The following PCDHGB2 variants were observed in gnomAD, a reference collection of about 807,000 sequenced individuals.
PCDHGB2 encodes the protein protocadherin gamma-B2.
Under a neutral mutation model 59.3 loss-of-function variants are expected in PCDHGB2, and 55 were observed. That is an observed-to-expected ratio of 0.93 (90% CI 0.75 to 1.16). The LOEUF (loss-of-function observed/expected upper bound fraction) is 1.16. Ranked by LOEUF, PCDHGB2 falls within the 50% of genes most tolerant of loss-of-function variation. PCDHGB2 has a pLI of 0.00. For missense variants in PCDHGB2, 1,228 were observed against 1,198.5 expected (o/e 1.02, Z -0.36); for synonymous variants, 516 against 512.0 (o/e 1.01, Z -0.11).
chr5:141,477,361 G>A lies in PCDHGB2; in HGVS notation c.2422-17446G>A. The A allele has an allele frequency of 6.2e-7, 1 of 1,614,172 alleles. No individual in the cohort carries two copies. The highest frequency in any genetic ancestry group is 8.5e-7 in the Non-Finnish European group (1 of 1,180,032). Reference sequence around the variant, plus strand: ...TCACTTTGAAAACCAGTGCAGACCTGGATCGGGAGACTGTGCCAGAATACA... The same window carrying A: ...TCACTTTGAAAACCAGTGCAGACCTAGATCGGGAGACTGTGCCAGAATACA... On this transcript the variant is annotated intron_variant, in intron 1 of 3. Coordinates refer to ENST00000522605, the MANE Select transcript of PCDHGB2 (RefSeq NM_018923.3). The surrounding 1 kb of genome is among the most constrained non-coding windows in gnomAD (Gnocchi z 4.9).
rs191188858 is a variant in PCDHGB2, at chr5:141,472,077, A to G, written c.2422-22730A>G. On this transcript the variant is annotated intron_variant, in intron 1 of 3. Transcript: ENST00000522605. ...GATTGACATGTCTGTGGTTATATCA[A>G]TGAGTACTATTATTATTCCCATTTT... 2.4e-3 allele frequency among the ~76,000 whole-genome samples: 365 copies of G among 152,346 alleles called. 2 individuals carry two copies. Among genetic ancestry groups the G allele is most frequent in the African/African-American group, 8.4e-3 (351 of 41,580 alleles).
rs1055242827 is a variant in PCDHGB2 at position 141,371,130 on chromosome 5, A to C, written c.2421+8574A>C. 6.8e-6 allele frequency: 11 copies of C among 1,613,896 alleles called. No homozygotes were observed. The South Asian group carries it at 1.2e-4, about 18-fold the overall frequency. Reference sequence around the variant, plus strand: ...TAACCCCCCAGTATTTACTCAGGACATGTACAGGGTCAATGTTGCAGAGAA... The same window carrying C: ...TAACCCCCCAGTATTTACTCAGGACCTGTACAGGGTCAATGTTGCAGAGAA... On this transcript the variant is annotated intron_variant, in intron 1 of 3. Transcript: ENST00000522605.
intron 1 of PCDHGB2, chr5:141,419,596 G>T: frequency 6.2e-7 from 1 of 1,611,682 alleles, no homozygotes; most frequent in Non-Finnish European, 8.5e-7. Flanking sequence ...ACACAGTGCC[G>T]CGGGCCGCGC....
chr5:141,408,158 T>G lies in PCDHGB2; in HGVS notation c.2421+45602T>G, dbSNP rs1190245850. On this transcript the variant is annotated intron_variant, in intron 1 of 3. Coordinates refer to ENST00000522605, the MANE Select transcript of PCDHGB2 (RefSeq NM_018923.3). ...TCTTTTAGCGCGGTAGAGTGCACTTTCTCCAACTGGAAAAGCGGGGACCCA... is the reference window on the plus strand; with the variant it reads ...TCTTTTAGCGCGGTAGAGTGCACTTGCTCCAACTGGAAAAGCGGGGACCCA... The G allele has an allele frequency of 2.0e-6, 3 of 1,515,140 alleles. No individual in the cohort carries two copies. In the Admixed American group the frequency reaches 6.4e-5, roughly 32 times the overall value. The allele number at this position is 1,515,140 out of a possible 1,614,324, so 93.9% of individuals were successfully genotyped here.
chr5:141,417,550 A>G, intron 1 of PCDHGB2: 1 of 326,094 alleles, frequency 3.1e-6, no homozygotes, highest in Non-Finnish European at 5.5e-6. Flanking sequence ...ATTCCTTGAA[A>G]GAGGTAGAGA....
chr5:141,427,912 A>T (rs1268491054), intron 1 of PCDHGB2: 2 of 1,577,806 alleles, frequency 1.3e-6, no homozygotes, highest in Admixed American at 3.3e-5. Flanking sequence ...CTCAGCGCCA[A>T]CATGAGCCGG....
intron 1 of PCDHGB2, chr5:141,374,002 C>A (rs1770015960): frequency 1.5e-6 from 2 of 1,320,574 alleles, no homozygotes; most frequent in South Asian, 4.1e-5. Flanking sequence ...AGGACCTTCA[C>A]CGCTATTTCT....
At chr5:141,369,758 C>T (rs1027847213) in intron 1 of PCDHGB2, among the ~76,000 whole-genome samples, 1 of 152,184 alleles carries the variant, frequency 6.6e-6, no homozygotes, top group African/African-American at 2.4e-5. Context: ...TAAGAATACA[C>T]GTGAAGCTGA....
chr5:141,361,398 C>A lies in PCDHGB2; in HGVS notation c.1263C>A (p.Thr421=). 1 of 1,614,006 alleles carries A rather than the reference C, an allele frequency of 6.2e-7. No homozygotes were observed. Among genetic ancestry groups the A allele is most frequent in the African/African-American group, 1.3e-5 (1 of 75,066 alleles). The change falls in exon 1 of 4, where the codon ACC becomes ACA. Residue 421 remains threonine, a synonymous_variant. Coordinates refer to ENST00000522605, the MANE Select transcript of PCDHGB2 (RefSeq NM_018923.3). ...DREEIPEYNL[T]ITATDGGKPP... ...AGGAGATCCCAGAATACAATCTCAC[C>A]ATCACAGCCACCGACGGGGGCAAGC...
chr5:141,470,842 CA>C (rs1300821457), intron 1 of PCDHGB2, among the ~76,000 whole-genome samples: 2 of 152,044 alleles, frequency 1.3e-5, no homozygotes, highest in African/African-American at 4.8e-5. Flanking sequence ...CACACGCCAC[CA>C]TGCTCAGATA....
chr5:141,360,660 C>A lies in PCDHGB2; in HGVS notation c.525C>A (p.Asn175Lys), dbSNP rs530891991. Residue 175 changes from asparagine to lysine, a missense_variant, in exon 1 of 4, where the codon AAC (asparagine) becomes AAA (lysine). This residue lies in a region of PCDHGB2 where 781 missense variants were observed against 721.6 expected (regional missense o/e 1.08). Coordinates refer to ENST00000522605, the MANE Select transcript of PCDHGB2 (RefSeq NM_018923.3). ...NSLQRYHLNDNEYFDLAEKQT... is the reference protein window; with the variant it reads ...NSLQRYHLNDKEYFDLAEKQT... Reference sequence around the variant, plus strand: ...TACAAAGATACCACCTTAATGACAACGAGTACTTTGATCTCGCTGAGAAAC... The same window carrying A: ...TACAAAGATACCACCTTAATGACAAAGAGTACTTTGATCTCGCTGAGAAAC... 1.2e-5 allele frequency: 19 copies of A among 1,613,968 alleles called. No individual in the cohort carries two copies. The African/African-American group carries it at 2.4e-4, about 20-fold the overall frequency.
In PCDHGB2 at chr5:141,360,972, C is replaced by T. The variant is rs746958816; in HGVS notation, c.837C>T (p.Tyr279=). Residue 279 remains tyrosine (Y), a synonymous_variant, in exon 1 of 4, where the codon TAC becomes TAT. Coordinates refer to ENST00000522605, the MANE Select transcript of PCDHGB2 (RefSeq NM_018923.3). ...RDEGINAEIT[Y]SFHNVDEQVK... The stretch of plus-strand genomic sequence containing the variant: ...AAGGCATAAACGCAGAGATCACCTA[C>T]TCCTTTCATAATGTGGACGAACAAG... 1.1e-5 allele frequency: 18 copies of T among 1,613,750 alleles called. No individual in the cohort carries two copies. In the East Asian group the frequency reaches 3.1e-4, roughly 28 times the overall value.
intron 1 of PCDHGB2, among the ~76,000 whole-genome samples, chr5:141,481,700 T>C (rs1283509788): frequency 2.0e-5 from 3 of 152,034 alleles, no homozygotes; most frequent in Non-Finnish European, 4.4e-5. Context: ...ACGCCTGTAA[T>C]CCCAGCACTT....
intron 1 of PCDHGB2, chr5:141,399,433 C>T (rs1485508239): frequency 1.9e-6 from 3 of 1,613,892 alleles, no homozygotes; most frequent in Non-Finnish European, 2.5e-6. Flanking sequence ...AAGCGTCATC[C>T]TACATATCAG....
chr5:141,402,789 T>C (rs1047869740), intron 1 of PCDHGB2: 2 of 952,520 alleles, frequency 2.1e-6, no homozygotes, highest in South Asian at 4.2e-5. Context: ...GTTCTGCGGC[T>C]ACACAAAACC....
At chr5:141,389,577 C>A in intron 1 of PCDHGB2, 1 of 1,613,244 alleles carries the variant, frequency 6.2e-7, no homozygotes. Context: ...GTACCCCGCG[C>A]TGGGTCCCGA....
Position 141,481,770 on chromosome 5 carries a change from G to T in PCDHGB2, c.2422-13037G>T, listed in dbSNP as rs188953511. 6.1e-3 allele frequency among the ~76,000 whole-genome samples: 929 copies of T among 152,184 alleles called. 10 individuals are homozygous for T. Among genetic ancestry groups the T allele is most frequent in the African/African-American group, 0.022 (895 of 41,516 alleles). On this transcript the variant is annotated intron_variant, in intron 1 of 3. Coordinates refer to ENST00000522605, the MANE Select transcript of PCDHGB2 (RefSeq NM_018923.3). ...AGTCCAAGACCAGCCTGGCCAACAT[G>T]GTGAAACCCCGTCTCTACTAAAAAT... is the stretch of plus-strand genomic sequence containing the variant.
At chr5:141,478,500 T>G in intron 1 of PCDHGB2, 1 of 1,612,740 alleles carries the variant, frequency 6.2e-7, no homozygotes, top group Non-Finnish European at 8.5e-7. Flanking sequence ...TGTGATCCGG[T>G]GTTCTATAGG....
rs1561589443 is a variant in PCDHGB2, at chr5:141,381,835, T to TCTTCTTC, written c.2421+19279_2421+19280insCTTCTTC. Reference sequence around the variant, plus strand: ...TTCTTTCTTTCTTCTTCTTTTTTTTTTTTTTTTTTTTTTGGCAGAGTTTTG... The same window carrying TCTTCTTC: ...TTCTTTCTTTCTTCTTCTTTTTTTTTCTTCTTCTTTTTTTTTTTTTGGCAGAGTTTTG... On this transcript the variant is annotated intron_variant, in intron 1 of 3. Coordinates refer to ENST00000522605, the MANE Select transcript of PCDHGB2 (RefSeq NM_018923.3). 3.4e-3 allele frequency among the ~76,000 whole-genome samples: 481 copies of TCTTCTTC among 141,024 alleles called. 2 individuals carry two copies. Among genetic ancestry groups the TCTTCTTC allele is most frequent in the African/African-American group, 0.012 (438 of 36,478 alleles). The allele number at this position is 141,024 out of a possible 152,430, so 92.5% of individuals were successfully genotyped here. A position where few individuals can be genotyped will look rare whatever the true frequency, so the allele number is the denominator to read the frequency against.
Sources: allele counts gnomAD v4.1 joint callset (sites outside exome capture counted in the v4.1 genomes callset), GRCh38; gene constraint gnomAD v4.1.1; regional missense constraint gnomAD v4.1.1; non-coding constraint Gnocchi (gnomAD v3.1); transcripts MANE v1.5; gene names NCBI Gene and HGNC (gene_info 2026-07-23, HGNC 2026-07-21).